Variants in RGPD2 observed in about 807,000 individuals in gnomAD.
The protein encoded by RGPD2 is RANBP2 like and GRIP domain containing 2.
In RGPD2, 2 loss-of-function variants were observed where a neutral mutation model predicts 36.0. That is an observed-to-expected ratio of 0.06 (90% CI 0.02 to 0.17). The LOEUF is 0.17. Ranked by LOEUF, RGPD2 falls within the 10% of genes least tolerant of loss-of-function variation. The pLI is 1.00. For synonymous variants in RGPD2, 19 were observed against 163.8 expected, an observed-to-expected ratio of 0.12 and a Z score of 6.75; for missense variants, 40 against 464.3, an observed-to-expected ratio of 0.09 and a Z score of 8.40.
chr2:87,864,721 C>G, the RGPD2 span, among the ~76,000 whole-genome samples: 1 of 152,270 alleles, frequency 6.6e-6, no homozygotes, highest in Non-Finnish European at 1.5e-5. Flanking sequence ...AACATCTTTT[C>G]ATGTGCTTGT....
At chr2:87,883,032 A>C in the RGPD2 span, among the ~76,000 whole-genome samples, 1 of 152,044 alleles carries the variant, frequency 6.6e-6, no homozygotes, top group East Asian at 1.9e-4. Flanking sequence ...AATCCGAAAG[A>C]CTCTAATTCT....
the RGPD2 span, among the ~76,000 whole-genome samples, chr2:87,875,156 T>TA: frequency 2.0e-5 from 3 of 151,850 alleles, no homozygotes; most frequent in East Asian, 5.8e-4. Flanking sequence ...TCTGCAAAGA[T>TA]AATTTCGCTT....
the RGPD2 span, among the ~76,000 whole-genome samples, chr2:87,864,613 GATAGATAGATAC>G: frequency 9.3e-5 from 4 of 43,012 alleles, no homozygotes; most frequent in South Asian, 3.8e-3. Flanking sequence ...TAGATAGATA[GATAGATAGATAC>G]ATAGATGATA....
the RGPD2 span, among the ~76,000 whole-genome samples, chr2:87,884,242 TGAGAAAACAAGA>T: frequency 6.6e-6 from 1 of 151,828 alleles, no homozygotes; most frequent in Non-Finnish European, 1.5e-5. Flanking sequence ...AATAATATCT[TGAGAAAACAAGA>T]ATGAAAACAG....
chr2:87,972,482 T>C, the RGPD2 span, among the ~76,000 whole-genome samples: 474 of 116,548 alleles, frequency 4.1e-3, 4 homozygotes, highest in African/African-American at 0.015. Context: ...GATGGGGATG[T>C]ATATGCTCAG....
the RGPD2 span, among the ~76,000 whole-genome samples, chr2:87,988,237 CCT>C: frequency 1.3e-4 from 15 of 119,188 alleles, no homozygotes; most frequent in Admixed American, 1.3e-3. Flanking sequence ...GAAATATTCT[CCT>C]CTAGCATTTT....
the RGPD2 span, among the ~76,000 whole-genome samples, chr2:87,952,839 C>T: frequency 6.6e-6 from 1 of 151,644 alleles, no homozygotes; most frequent in South Asian, 2.1e-4. Flanking sequence ...CACTTATCTC[C>T]CTCCTTGGCA....
the RGPD2 span, among the ~76,000 whole-genome samples, chr2:87,975,954 T>A: frequency 1.3e-5 from 2 of 152,034 alleles, no homozygotes; most frequent in African/African-American, 4.8e-5. Flanking sequence ...ACACTGCAAG[T>A]CTGAAGAATG....
chr2:87,769,071 A>G (rs1411469212), intron 22 of RGPD2, among the ~76,000 whole-genome samples: 1 of 68,520 alleles, frequency 1.5e-5, no homozygotes, highest in Non-Finnish European at 2.9e-5. Context: ...GGGTTCAAGC[A>G]GTTCTCCTAC....
chr2:87,929,100 C>T, the RGPD2 span, among the ~76,000 whole-genome samples: 1 of 151,734 alleles, frequency 6.6e-6, no homozygotes, highest in Non-Finnish European at 1.5e-5. Flanking sequence ...TAGGTTTTGG[C>T]ATCTTCCTCA....
At chr2:87,776,819 G>A (rs1321842929) in intron 20 of RGPD2, among the ~76,000 whole-genome samples, 1 of 49,656 alleles carries the variant, frequency 2.0e-5, no homozygotes, top group Non-Finnish European at 3.2e-5. Context: ...CTATTGATTC[G>A]GCCTTACAGA....
the RGPD2 span, among the ~76,000 whole-genome samples, chr2:87,975,759 C>A: frequency 1.3e-5 from 2 of 151,454 alleles, no homozygotes; most frequent in African/African-American, 4.8e-5. Flanking sequence ...ATGATGTCTC[C>A]CAGAAGCCTT....
chr2:87,871,647 C>A, the RGPD2 span, among the ~76,000 whole-genome samples: 1 of 152,054 alleles, frequency 6.6e-6, no homozygotes, highest in Admixed American at 6.6e-5. Flanking sequence ...GGGCAGATTA[C>A]CCGAGATTGG....
At chr2:87,903,586 TGA>T in the RGPD2 span, among the ~76,000 whole-genome samples, 2 of 151,714 alleles carry the variant, frequency 1.3e-5, no homozygotes, top group East Asian at 3.9e-4. Context: ...TATTAATAAT[TGA>T]GTACAACACT....
At chr2:87,952,459 G>A in the RGPD2 span, among the ~76,000 whole-genome samples, 2 of 152,130 alleles carry the variant, frequency 1.3e-5, no homozygotes, top group African/African-American at 4.8e-5. Flanking sequence ...GGCCAACACA[G>A]AGAAACATAA....
At chr2:87,825,882 T>C (rs547375850), upstream of RGPD2, 51 of 1,002,886 alleles carry the variant, frequency 5.1e-5, 1 homozygote, top group East Asian at 1.7e-3. Flanking sequence ...CTGTGTATCC[T>C]TGGCGACGTC....
the RGPD2 span, among the ~76,000 whole-genome samples, chr2:87,957,239 G>GGC: frequency 8.9e-3 from 1,276 of 142,882 alleles, 46 homozygotes; most frequent in African/African-American, 0.021. Context: ...AGGTCACTGG[G>GGC]GGGGGGCTCT....
the RGPD2 span, among the ~76,000 whole-genome samples, chr2:87,849,468 T>C: frequency 1.3e-4 from 20 of 152,248 alleles, no homozygotes; most frequent in East Asian, 3.9e-3. Context: ...TTTTCCTTTT[T>C]TCCAAAACAT....
the RGPD2 span, among the ~76,000 whole-genome samples, chr2:87,971,900 T>C: frequency 1.3e-5 from 2 of 152,018 alleles, no homozygotes; most frequent in African/African-American, 4.8e-5. Flanking sequence ...ACTTAATGAC[T>C]ACTGTCTTGG....
Sources: allele counts gnomAD v4.1 joint callset (sites outside exome capture counted in the v4.1 genomes callset), GRCh38; gene constraint gnomAD v4.1.1; transcripts MANE v1.5; gene names NCBI Gene and HGNC (gene_info 2026-07-23, HGNC 2026-07-21).